VEPH1: variants seen among roughly 807,000 people sequenced by gnomAD.
The protein encoded by VEPH1 is ventricular zone expressed PH domain containing 1.
VEPH1 carries 80 observed loss-of-function variants against 85.2 expected under a neutral mutation model. That is an observed-to-expected ratio of 0.94 (90% CI 0.78 to 1.13). The LOEUF (loss-of-function observed/expected upper bound fraction) is 1.13, where lower values mean the gene tolerates loss of function less well. Ranked by LOEUF, VEPH1 falls within the 50% of genes most tolerant of loss-of-function variation. The pLI is 0.00. For missense variants in VEPH1, 955 were observed against 980.5 expected, an observed-to-expected ratio of 0.97 and a Z score of 0.35; for synonymous variants, 297 against 348.0, an observed-to-expected ratio of 0.85 and a Z score of 1.63.
At chr3:157,278,374 G>A (rs1476061528) in intron 12 of VEPH1, among the ~76,000 whole-genome samples, 1 of 152,222 alleles carries the variant, frequency 6.6e-6, no homozygotes, top group Admixed American at 6.5e-5. Flanking sequence ...GTGAGTCTGA[G>A]AAACTTTAAG....
At chr3:157,380,119 GT>G (rs1728596262) in intron 7 of VEPH1, among the ~76,000 whole-genome samples, 1 of 152,070 alleles carries the variant, frequency 6.6e-6, no homozygotes, top group Non-Finnish European at 1.5e-5. Context: ...TGTGCATTGT[GT>G]CCACTCTCTC....
chr3:157,468,917 A>G (rs1288276011), intron 3 of VEPH1, among the ~76,000 whole-genome samples: 2 of 152,118 alleles, frequency 1.3e-5, no homozygotes, highest in Non-Finnish European at 2.9e-5. Flanking sequence ...TTAAAATTAC[A>G]TATTTGACTT....
intron 6 of VEPH1, among the ~76,000 whole-genome samples, chr3:157,405,886 C>A (rs78608420): frequency 0.068 from 10,349 of 152,174 alleles, 517 homozygotes; most frequent in South Asian, 0.18. Flanking sequence ...TCCTCTGTGT[C>A]CCCATCACCA....
At chr3:157,457,403 A>G (rs756828656) in intron 4 of VEPH1, among the ~76,000 whole-genome samples, 2 of 152,158 alleles carry the variant, frequency 1.3e-5, no homozygotes, top group African/African-American at 4.8e-5. Context: ...TCTGGCCAGG[A>G]TTTCCAACAC....
chr3:157,464,368 T>C (rs1736164456), intron 3 of VEPH1, among the ~76,000 whole-genome samples: 3 of 152,186 alleles, frequency 2.0e-5, no homozygotes, highest in Non-Finnish European at 4.4e-5. Flanking sequence ...TGGAATTATT[T>C]GGGTCACAGA....
chr3:157,275,447 G>A (rs1264215712), intron 12 of VEPH1, among the ~76,000 whole-genome samples: 1 of 152,002 alleles, frequency 6.6e-6, no homozygotes, highest in East Asian at 1.9e-4. Flanking sequence ...GTGGTGGCAT[G>A]CGCCTGTAGT....
intron 9 of VEPH1, among the ~76,000 whole-genome samples, chr3:157,349,542 G>GAGAAAGAAAGAA (rs78787789): frequency 6.6e-6 from 1 of 151,646 alleles, no homozygotes; most frequent in South Asian, 2.1e-4. Context: ...AAATGGGTAA[G>GAGAAAGAAAGAA]AGAAAGAAAG....
intron 5 of VEPH1, among the ~76,000 whole-genome samples, chr3:157,426,313 T>C (rs1732750580): frequency 2.6e-5 from 4 of 152,144 alleles, no homozygotes; most frequent in Admixed American, 2.6e-4. Flanking sequence ...TATCAAGACT[T>C]CTGTTGGATG....
intron 7 of VEPH1, among the ~76,000 whole-genome samples, chr3:157,377,659 G>C (rs1728274732): frequency 1.3e-5 from 2 of 152,112 alleles, no homozygotes; most frequent in Admixed American, 1.3e-4. Context: ...GGCTGTTTCT[G>C]CTTTGCTTGG....
chr3:157,486,214 T>C (rs961442243), intron 2 of VEPH1, among the ~76,000 whole-genome samples: 1 of 152,062 alleles, frequency 6.6e-6, no homozygotes, highest in Admixed American at 6.6e-5. Flanking sequence ...AGAGGCAGCA[T>C]AGGCCAGACA....
intron 2 of VEPH1, among the ~76,000 whole-genome samples, chr3:157,479,540 G>C (rs1737820371): frequency 6.6e-6 from 1 of 151,374 alleles, no homozygotes; most frequent in African/African-American, 2.5e-5. Context: ...TAAAGCAGTT[G>C]GTGGTGGGAA....
chr3:157,443,214 T>A (rs921351889), intron 4 of VEPH1: 12 of 455,088 alleles, frequency 2.6e-5, no homozygotes, highest in East Asian at 1.6e-4. Context: ...TGCTTTCAGT[T>A]TAATGCTGTG....
At chr3:157,340,709 A>AC (rs1306463234) in intron 9 of VEPH1, among the ~76,000 whole-genome samples, 4 of 152,176 alleles carry the variant, frequency 2.6e-5, no homozygotes, top group Non-Finnish European at 5.9e-5. Context: ...GAGATCTGAG[A>AC]ATGGTCAGAC....
At chr3:157,313,568 C>A in intron 11 of VEPH1, 53 bp downstream of exon 11, 1 of 1,575,100 alleles carries the variant, frequency 6.3e-7, no homozygotes, top group South Asian at 1.1e-5. Context: ...GAAACTGTTT[C>A]AAGACAATCT....
chr3:157,495,357 A>T lies in VEPH1; in HGVS notation c.-8T>A. 2 of 1,613,536 alleles carry T rather than the reference A, an allele frequency of 1.2e-6. No individual in the cohort carries two copies. Among genetic ancestry groups the T allele is most frequent in the Non-Finnish European group, 1.7e-6 (2 of 1,179,694 alleles). ...TCTGAACAGTTGATGCATGGTGAGG[A>T]TGAGTTTGATCAGTTGACTTTCTAC... On this transcript the variant is annotated 5_prime_UTR_variant, in exon 2 of 14. Transcript: ENST00000362010.
chr3:157,465,113 A>C (rs985847348), intron 3 of VEPH1, among the ~76,000 whole-genome samples: 2 of 152,180 alleles, frequency 1.3e-5, no homozygotes, highest in African/African-American at 4.8e-5. Flanking sequence ...TAGATACTGA[A>C]GCCTATTCTG....
At chr3:157,316,759 A>G (rs1236355213) in intron 10 of VEPH1, among the ~76,000 whole-genome samples, 1 of 152,080 alleles carries the variant, frequency 6.6e-6, no homozygotes, top group Admixed American at 6.5e-5. Flanking sequence ...AAGGGAAGCT[A>G]TTCTCCCAAA....
intron 6 of VEPH1, among the ~76,000 whole-genome samples, chr3:157,384,916 G>T (rs1321195336): frequency 1.3e-5 from 2 of 152,162 alleles, no homozygotes; most frequent in African/African-American, 2.4e-5. Context: ...GGTAGGGTCA[G>T]CACCTGTAAG....
intron 11 of VEPH1, among the ~76,000 whole-genome samples, chr3:157,301,644 T>G (rs1718824502): frequency 6.6e-6 from 1 of 152,228 alleles, no homozygotes; most frequent in Non-Finnish European, 1.5e-5. Flanking sequence ...CCCAGTTGAA[T>G]GGACACTTAT....
Sources: gnomAD v4.1 joint callset for allele counts (sites outside exome capture counted in the v4.1 genomes callset) on GRCh38, gnomAD v4.1.1 for gene constraint, MANE v1.5 for transcripts, NCBI Gene and HGNC (gene_info 2026-07-23, HGNC 2026-07-21) for gene names.